Variants in UMAD1 observed in about 807,000 individuals in gnomAD.
UMAD1 encodes the protein UBAP1-MVB12-associated (UMA) domain containing 1, also known as UBAP1-MVB12-associated (UMA)-domain containing protein 1.
A neutral mutation model predicts 6.1 loss-of-function variants in UMAD1; 8 were observed. That is an observed-to-expected ratio of 1.30 (90% CI 0.76 to 2.35). The LOEUF (loss-of-function observed/expected upper bound fraction) is 2.35. UMAD1 is among the 30% of genes most tolerant of loss of function. The pLI is 0.00. For synonymous variants in UMAD1, 56 were observed against 31.4 expected, an observed-to-expected ratio of 1.78 and a Z score of -2.61; for missense variants, 130 against 78.4, an observed-to-expected ratio of 1.66 and a Z score of -2.49.
At chr7:7,783,893 T>C (rs749416914) in intron 2 of UMAD1, among the ~76,000 whole-genome samples, 36 of 152,210 alleles carry the variant, frequency 2.4e-4, no homozygotes, top group Non-Finnish European at 4.6e-4. Flanking sequence ...CACGGTATGC[T>C]GTCTACTCTA....
chr7:7,821,491 G>A (rs1783240604), intron 3 of UMAD1, among the ~76,000 whole-genome samples: 2 of 151,970 alleles, frequency 1.3e-5, no homozygotes, highest in South Asian at 4.2e-4. Context: ...CTGATTTATT[G>A]GACAATGCCA....
chr7:7,818,493 A>G (rs780882430), intron 3 of UMAD1, among the ~76,000 whole-genome samples: 30 of 152,222 alleles, frequency 2.0e-4, no homozygotes, highest in Non-Finnish European at 3.1e-4. Flanking sequence ...CAGAATGGCT[A>G]TTAATAAAAA....
intron 3 of UMAD1, among the ~76,000 whole-genome samples, chr7:7,837,497 C>G (rs941039919): frequency 5.3e-5 from 8 of 152,198 alleles, no homozygotes; most frequent in Admixed American, 2.0e-4. Flanking sequence ...TTCTAAAGTC[C>G]TTGCTTTATG....
In UMAD1 at chr7:7,873,983, C is replaced by T. The variant is rs570197265; in HGVS notation, c.157-3298C>T. On this transcript the variant is annotated intron_variant, in intron 3 of 3. Transcript: ENST00000682710. ...GCAGATTCAAATTATATCCCCCTGC[C>T]TACTAACAGCTCCACCTGATGTCCG... Among the ~76,000 whole-genome samples, 3 of 152,318 alleles carry T rather than the reference C, an allele frequency of 2.0e-5. No individual in the cohort carries two copies. The South Asian group carries it at 6.2e-4, about 32-fold the overall frequency.
At chr7:7,774,414 C>T (rs949605702) in intron 2 of UMAD1, among the ~76,000 whole-genome samples, 13 of 152,096 alleles carry the variant, frequency 8.5e-5, no homozygotes, top group East Asian at 5.8e-4. Context: ...GCTAGCCTAG[C>T]GTTGTGGGAA....
chr7:7,855,144 C>T (rs1296685735), intron 3 of UMAD1, among the ~76,000 whole-genome samples: 3 of 152,252 alleles, frequency 2.0e-5, no homozygotes, highest in Non-Finnish European at 4.4e-5. Context: ...TCAAGGCTGG[C>T]ATTGAGTGTC....
chr7:7,693,177 C>G (rs932802739), intron 2 of UMAD1, among the ~76,000 whole-genome samples: 5 of 152,108 alleles, frequency 3.3e-5, no homozygotes, highest in Admixed American at 6.6e-5. Context: ...TGTAGTTCTT[C>G]TAAAAGCAGA....
At chr7:7,699,058 G>C (rs1009041604) in intron 2 of UMAD1, among the ~76,000 whole-genome samples, 3 of 142,540 alleles carry the variant, frequency 2.1e-5, no homozygotes, top group Admixed American at 7.1e-5. Flanking sequence ...GTGGGGGGGG[G>C]GTAGATACCA....
intron 2 of UMAD1, among the ~76,000 whole-genome samples, chr7:7,713,477 A>T (rs963861013): frequency 6.6e-6 from 1 of 150,866 alleles, no homozygotes; most frequent in Admixed American, 6.6e-5. Flanking sequence ...CCTCCCCCCC[A>T]TGGCAATATT....
intron 1 of UMAD1, among the ~76,000 whole-genome samples, chr7:7,659,074 T>A (rs1785412677): frequency 1.3e-5 from 2 of 152,336 alleles, no homozygotes; most frequent in Admixed American, 6.5e-5. Flanking sequence ...TTCTTCTAGA[T>A]TTTCTAGTTT....
intron 3 of UMAD1, among the ~76,000 whole-genome samples, chr7:7,869,096 AGACATTTATTAGT>A (rs1406763140): frequency 1.3e-5 from 2 of 152,236 alleles, no homozygotes; most frequent in Non-Finnish European, 2.9e-5. Flanking sequence ...ATAGCTAGAC[AGACATTTATTAGT>A]GACCAGCTTC....
At chr7:7,781,528 T>C (rs2115253009) in intron 2 of UMAD1, among the ~76,000 whole-genome samples, 1 of 152,186 alleles carries the variant, frequency 6.6e-6, no homozygotes, top group East Asian at 1.9e-4. Flanking sequence ...ATTCTCCATT[T>C]ATTTAATTAT....
chr7:7,759,658 A>G (rs1781844991), intron 2 of UMAD1, among the ~76,000 whole-genome samples: 1 of 152,232 alleles, frequency 6.6e-6, no homozygotes, highest in Admixed American at 6.5e-5. Context: ...AGGATCTAGG[A>G]AGGAGTCTTG....
At chr7:7,752,271 G>A (rs1022512936) in intron 2 of UMAD1, among the ~76,000 whole-genome samples, 5 of 152,082 alleles carry the variant, frequency 3.3e-5, no homozygotes, top group Non-Finnish European at 5.9e-5. Context: ...TAATAAATAG[G>A]CTTGATAGAC....
intron 3 of UMAD1, among the ~76,000 whole-genome samples, chr7:7,837,833 T>G (rs1274165642): frequency 6.6e-6 from 1 of 152,110 alleles, no homozygotes; most frequent in Non-Finnish European, 1.5e-5. Flanking sequence ...GTACTGTGGT[T>G]TACGTGAAAA....
intron 3 of UMAD1, among the ~76,000 whole-genome samples, chr7:7,836,655 A>T (rs1046637165): frequency 2.0e-5 from 3 of 152,000 alleles, no homozygotes; most frequent in African/African-American, 7.2e-5. Flanking sequence ...TATAATGATC[A>T]TGAGAATTAA....
intron 3 of UMAD1, among the ~76,000 whole-genome samples, chr7:7,868,022 C>T (rs1784264478): frequency 1.3e-5 from 2 of 151,940 alleles, no homozygotes; most frequent in South Asian, 4.2e-4. Flanking sequence ...GGCTGGCCCA[C>T]CTGCCAGCAG....
chr7:7,829,165 A>G (rs1231964428), intron 3 of UMAD1, among the ~76,000 whole-genome samples: 1 of 152,188 alleles, frequency 6.6e-6, no homozygotes, highest in African/African-American at 2.4e-5. Context: ...GGCGTCTAGC[A>G]ATTTTTCATA....
intron 1 of UMAD1, among the ~76,000 whole-genome samples, chr7:7,649,159 A>C (rs1360229000): frequency 1.8e-5 from 2 of 110,634 alleles, no homozygotes; most frequent in Non-Finnish European, 4.0e-5. Context: ...ACTCCATCTC[A>C]AAAAAAAAAA....
Sources: allele counts gnomAD v4.1 joint callset (sites outside exome capture counted in the v4.1 genomes callset), GRCh38; gene constraint gnomAD v4.1.1; transcripts MANE v1.5; gene names NCBI Gene and HGNC (gene_info 2026-07-23, HGNC 2026-07-21).